The following CCDC7 variants were observed in gnomAD, a reference collection of about 807,000 sequenced individuals.
CCDC7 encodes the protein coiled-coil domain containing 7.
Under a neutral mutation model 196.9 loss-of-function variants are expected in CCDC7, and 183 were observed. That is an observed-to-expected ratio of 0.93 (90% CI 0.82 to 1.05). The LOEUF (loss-of-function observed/expected upper bound fraction) is 1.05. Ranked by LOEUF, CCDC7 falls within the 50% of genes least tolerant of loss-of-function variation. The pLI is 0.00. For synonymous variants in CCDC7, 525 were observed against 484.6 expected, an observed-to-expected ratio of 1.08 and a Z score of -1.10; for missense variants, 1,540 against 1,482.2, an observed-to-expected ratio of 1.04 and a Z score of -0.64.
intron 24 of CCDC7, among the ~76,000 whole-genome samples, chr10:32,697,862 G>C (rs1185869753): frequency 6.6e-6 from 1 of 152,190 alleles, no homozygotes; most frequent in African/African-American, 2.4e-5. Flanking sequence ...AGAATGGACA[G>C]ACTGCTTCCT....
intron 3 of CCDC7, among the ~76,000 whole-genome samples, chr10:32,460,038 T>C (rs916948226): frequency 2.0e-5 from 3 of 152,128 alleles, no homozygotes; most frequent in African/African-American, 2.4e-5. Flanking sequence ...TGATCAAATA[T>C]GATACTGATG....
At chr10:32,805,948 A>G (rs2085741338) in intron 30 of CCDC7, among the ~76,000 whole-genome samples, 1 of 152,206 alleles carries the variant, frequency 6.6e-6, no homozygotes, top group Admixed American at 6.5e-5. Context: ...AAAGTAAAGC[A>G]GAACAGGCAC....
At position 32,828,498 on chromosome 10, in the gene CCDC7, GAAGAAGAAGAAGAA is replaced by G. The variant is rs1565634623; in HGVS notation, c.3268+3895_3268+3908del. 1.8e-3 allele frequency among the ~76,000 whole-genome samples: 199 copies of G among 112,816 alleles called. 3 individuals are homozygous for G. Among genetic ancestry groups the G allele is most frequent in the Non-Finnish European group, 2.8e-3 (152 of 54,160 alleles). The allele number at this position is 112,816 out of a possible 152,430, so 74.0% of individuals were successfully genotyped here. ...GGAAGAGGAAGAGGAAGAAGAAGAA[GAAGAAGAAGAAGAA>G]GAAGAAGAAGAAGAAGAAGAAGAAG... On this transcript the variant is annotated intron_variant, in intron 32 of 41. Coordinates refer to ENST00000639629, the Ensembl canonical transcript of CCDC7.
At chr10:32,493,440 A>G (rs1299726612) in intron 9 of CCDC7, among the ~76,000 whole-genome samples, 1 of 151,040 alleles carries the variant, frequency 6.6e-6, no homozygotes, top group Non-Finnish European at 1.5e-5. Flanking sequence ...TTTTACATTT[A>G]TGGACACTTA....
At chr10:32,667,544 T>C (rs1379566776) in intron 21 of CCDC7, among the ~76,000 whole-genome samples, 1 of 152,202 alleles carries the variant, frequency 6.6e-6, no homozygotes, top group Non-Finnish European at 1.5e-5. Context: ...TTAATTTTTG[T>C]ATAAGGTGTA....
At chr10:32,599,982 C>A (rs1336480938) in intron 18 of CCDC7, among the ~76,000 whole-genome samples, 1 of 152,080 alleles carries the variant, frequency 6.6e-6, no homozygotes, top group Non-Finnish European at 1.5e-5. Flanking sequence ...TATTACTGAG[C>A]TCTCTTTTCT....
chr10:32,573,174 A>T (rs2057784704), intron 16 of CCDC7, among the ~76,000 whole-genome samples: 1 of 152,094 alleles, frequency 6.6e-6, no homozygotes, highest in Non-Finnish European at 1.5e-5. Context: ...CACCATGCCC[A>T]GCTGGTGCTC....
chr10:32,501,255 T>G (rs1256545459), intron 9 of CCDC7, among the ~76,000 whole-genome samples: 2 of 152,142 alleles, frequency 1.3e-5, no homozygotes, highest in Non-Finnish European at 2.9e-5. Flanking sequence ...TTCTCTAAAC[T>G]GGGTATTCTA....
chr10:32,722,638 A>C (rs1160806334), intron 25 of CCDC7, among the ~76,000 whole-genome samples: 1 of 152,052 alleles, frequency 6.6e-6, no homozygotes, highest in Non-Finnish European at 1.5e-5. Flanking sequence ...CTGTTTTTAT[A>C]AGGACATCAT....
At chr10:32,495,799 G>A (rs2042828599) in intron 9 of CCDC7, among the ~76,000 whole-genome samples, 2 of 152,146 alleles carry the variant, frequency 1.3e-5, no homozygotes, top group South Asian at 4.1e-4. Flanking sequence ...CTGTAGCCTT[G>A]TAGTATAGTT....
At chr10:32,621,137 G>A (rs1198021009) in intron 18 of CCDC7, among the ~76,000 whole-genome samples, 1 of 152,086 alleles carries the variant, frequency 6.6e-6, no homozygotes, top group African/African-American at 2.4e-5. Flanking sequence ...CAAGATTTAG[G>A]TGATAAATTA....
chr10:32,583,160 TCCATCAGAGA>T, exon 17 of CCDC7: 1 of 1,231,414 alleles, frequency 8.1e-7, no homozygotes, highest in Non-Finnish European at 1.0e-6. Flanking sequence ...CCTATAAATC[TCCATCAGAGA>T]CCCATGATAA....
chr10:32,502,856 A>G (rs1370281620), intron 9 of CCDC7, among the ~76,000 whole-genome samples: 1 of 152,158 alleles, frequency 6.6e-6, no homozygotes, highest in Non-Finnish European at 1.5e-5. Context: ...TTTCAGTGCA[A>G]AAGATCTTTC....
intron 11 of CCDC7, among the ~76,000 whole-genome samples, chr10:32,538,230 A>G (rs866730340): frequency 1.1e-4 from 17 of 152,124 alleles, no homozygotes; most frequent in African/African-American, 4.1e-4. Flanking sequence ...ATATTCCTAG[A>G]TATTTTATTC....
At chr10:32,515,225 G>C (rs779945470) in intron 9 of CCDC7, among the ~76,000 whole-genome samples, 11 of 152,178 alleles carry the variant, frequency 7.2e-5, no homozygotes, top group Non-Finnish European at 1.3e-4. Flanking sequence ...CTGACAAGCT[G>C]ATTCTAAAAC....
At chr10:32,790,294 G>A (rs1292883563) in intron 29 of CCDC7, among the ~76,000 whole-genome samples, 1 of 152,194 alleles carries the variant, frequency 6.6e-6, no homozygotes, top group Non-Finnish European at 1.5e-5. Context: ...ACCCCAGACT[G>A]TCCATGACAT....
intron 8 of CCDC7, among the ~76,000 whole-genome samples, chr10:32,478,112 A>G (rs909804366): frequency 1.3e-5 from 2 of 152,184 alleles, no homozygotes; most frequent in African/African-American, 4.8e-5. Flanking sequence ...AAATGGTGTT[A>G]ATATCTATAA....
At chr10:32,546,673 C>T (rs1234040335) in intron 13 of CCDC7, among the ~76,000 whole-genome samples, 4 of 152,200 alleles carry the variant, frequency 2.6e-5, no homozygotes, top group African/African-American at 4.8e-5. Flanking sequence ...TCTATTGCTG[C>T]ATAGCAAGTT....
rs763010398 is a variant in CCDC7 at position 32,471,102 on chromosome 10, A to C, written c.549A>C (p.Pro183=). 3.1e-6 allele frequency: 5 copies of C among 1,611,316 alleles called. No homozygotes were observed. The Admixed American group carries it at 8.4e-5, about 27-fold the overall frequency. The change falls in exon 6 of 42, where the codon CCA becomes CCC. Residue 183 remains proline, a synonymous_variant. Transcript: ENST00000639629. ...AAACTCTTTTACAAGCAGAGCCTCC[A>C]AAACCTGACAAAACAGTCATTTTAA...
Sources: allele counts gnomAD v4.1 joint callset (sites outside exome capture counted in the v4.1 genomes callset), GRCh38; gene constraint gnomAD v4.1.1; transcripts MANE v1.5; gene names NCBI Gene and HGNC (gene_info 2026-07-23, HGNC 2026-07-21).